TENT4A: variants seen among roughly 807,000 people sequenced by gnomAD.
TENT4A encodes DNA polymerase kappa.
A neutral mutation model predicts 72.8 loss-of-function variants in TENT4A; 7 were observed. The observed-to-expected ratio is 0.10, with a 90% CI of 0.05 to 0.18. The LOEUF (loss-of-function observed/expected upper bound fraction) is 0.18. Ranked by LOEUF, TENT4A falls within the 10% of genes least tolerant of loss-of-function variation. The pLI, the probability that TENT4A is intolerant of heterozygous loss-of-function variation, is 1.00. For missense variants in TENT4A, 831 were observed against 1,017.7 expected (o/e 0.82, Z 2.50); for synonymous variants, 456 against 434.3 (o/e 1.05, Z -0.62).
At chr5:6,731,144 G>T (rs371440268) in intron 1 of TENT4A, among the ~76,000 whole-genome samples, 1 of 152,064 alleles carries the variant, frequency 6.6e-6, no homozygotes, top group Non-Finnish European at 1.5e-5. Context: ...GTTTTTTTGG[G>T]CAAAAATGCA....
At chr5:6,725,610 GGTT>G (rs1288888949) in intron 1 of TENT4A, among the ~76,000 whole-genome samples, 1 of 152,202 alleles carries the variant, frequency 6.6e-6, no homozygotes, top group Non-Finnish European at 1.5e-5. Context: ...CAAAGCTAGA[GGTT>G]GTTTCTAAGA....
At chr5:6,715,817 G>C (rs1320052164) in intron 1 of TENT4A, among the ~76,000 whole-genome samples, 1 of 152,220 alleles carries the variant, frequency 6.6e-6, no homozygotes, top group Non-Finnish European at 1.5e-5. Context: ...CCTGGCTTGG[G>C]CTACAAGCGA....
At chr5:6,731,286 T>C (rs1372338335) in intron 1 of TENT4A, among the ~76,000 whole-genome samples, 1 of 152,228 alleles carries the variant, frequency 6.6e-6, no homozygotes, top group Non-Finnish European at 1.5e-5. Context: ...TCCAGTATTT[T>C]CTGTCGCATT....
Position 6,743,826 on chromosome 5 carries a change from A to G in TENT4A, c.1231A>G (p.Ile411Val). The change falls in exon 6 of 13, where the codon ATT becomes GTT. Residue 411 changes from isoleucine to valine, a missense_variant. This residue lies in a region of TENT4A where 197 missense variants were observed against 399.6 expected (regional missense o/e 0.49). Transcript: ENST00000230859. Reference protein sequence around the residue: ...ISSYSLILMAISFLQLHPRID... With the variant: ...ISSYSLILMAVSFLQLHPRID... ...CTCATACAGCCTAATTTTAATGGCCATTAGCTTTCTACAGGTATGTATGCT... is the reference window on the plus strand; with the variant it reads ...CTCATACAGCCTAATTTTAATGGCCGTTAGCTTTCTACAGGTATGTATGCT... The G allele has an allele frequency of 6.2e-7, 1 of 1,614,020 alleles. No homozygotes were observed. The highest frequency in any genetic ancestry group is 8.5e-7 in the Non-Finnish European group (1 of 1,179,956).
intron 4 of TENT4A, among the ~76,000 whole-genome samples, chr5:6,741,151 C>T (rs565469291): frequency 1.6e-4 from 25 of 152,260 alleles, no homozygotes; most frequent in Middle Eastern, 3.4e-3. Flanking sequence ...CCAGTGACCT[C>T]GTTACTGTCG....
At chr5:6,753,908 AT>A (rs1742550672) in intron 12 of TENT4A, among the ~76,000 whole-genome samples, 1 of 152,160 alleles carries the variant, frequency 6.6e-6, no homozygotes, top group African/African-American at 2.4e-5. Flanking sequence ...TCTTCTTTGC[AT>A]TTTGGCTTTG....
chr5:6,727,633 T>C (rs1193512701), intron 1 of TENT4A, among the ~76,000 whole-genome samples: 2 of 152,312 alleles, frequency 1.3e-5, no homozygotes, highest in East Asian at 3.9e-4. Context: ...CTCGTTACCT[T>C]TCCCATCTCA....
intron 1 of TENT4A, among the ~76,000 whole-genome samples, chr5:6,723,977 C>T (rs186114047): frequency 6.6e-6 from 1 of 152,350 alleles, no homozygotes; most frequent in Non-Finnish European, 1.5e-5. Flanking sequence ...GCTGTTTCAT[C>T]TGACGGCAGT....
At chr5:6,743,144 C>G (rs1349150689) in intron 5 of TENT4A, among the ~76,000 whole-genome samples, 1 of 152,178 alleles carries the variant, frequency 6.6e-6, no homozygotes, top group Non-Finnish European at 1.5e-5. Flanking sequence ...GAGGCTGTTG[C>G]AATCCTTAGC....
At chr5:6,729,260 A>G (rs1741087953) in intron 1 of TENT4A, among the ~76,000 whole-genome samples, 1 of 152,208 alleles carries the variant, frequency 6.6e-6, no homozygotes, top group Non-Finnish European at 1.5e-5. Context: ...CTACAAAATG[A>G]AAATAGTAAT....
chr5:6,737,386 G>T, intron 1 of TENT4A, 124 bp from the exon 2 acceptor site: 1 of 827,650 alleles, frequency 1.2e-6, no homozygotes, highest in Non-Finnish European at 1.9e-6. Flanking sequence ...TACTTTCAGA[G>T]GAGAAATGAA....
intron 1 of TENT4A, among the ~76,000 whole-genome samples, chr5:6,718,335 C>T (rs1740484891): frequency 6.6e-6 from 1 of 152,326 alleles, no homozygotes; most frequent in Non-Finnish European, 1.5e-5. Flanking sequence ...TCCCTCTAGC[C>T]TGACCTCACT....
Position 6,746,150 on chromosome 5 carries a change from G to A in TENT4A, c.1246-64G>A, listed in dbSNP as rs938944788. 24 of 1,611,348 alleles carry A rather than the reference G, an allele frequency of 1.5e-5. No homozygotes were observed. The African/African-American group carries it at 1.7e-4, about 12-fold the overall frequency. ...AGGCTGCTGGACAGCAGACTTCGTC[G>A]CGTGCTATTTTCTTTAGAACATGCC... On this transcript the variant is annotated intron_variant, in intron 6 of 12. Transcript: ENST00000230859.
In TENT4A at chr5:6,721,178, G is replaced by A. The variant is rs191958320; in HGVS notation, c.716+6479G>A. Among the ~76,000 whole-genome samples the A allele has an allele frequency of 6.0e-3, 919 of 152,246 alleles. 6 individuals are homozygous for A. Among genetic ancestry groups the A allele is most frequent in the Non-Finnish European group, 8.7e-3 (594 of 68,014 alleles). ...CATTCTTAGTGCCAAGCACACGGTAGCCACTAAGTAAGTATCTCCCAAGAA... is the reference window on the plus strand; with the variant it reads ...CATTCTTAGTGCCAAGCACACGGTAACCACTAAGTAAGTATCTCCCAAGAA... On this transcript the variant is annotated intron_variant, in intron 1 of 12. Transcript: ENST00000230859.
chr5:6,739,384 G>A (rs1203242476), intron 3 of TENT4A, among the ~76,000 whole-genome samples: 1 of 152,226 alleles, frequency 6.6e-6, no homozygotes, highest in African/African-American at 2.4e-5. Flanking sequence ...GAGTGATCCA[G>A]CGTAGGCAGT....
intron 6 of TENT4A, among the ~76,000 whole-genome samples, chr5:6,744,879 A>T (rs530234567): frequency 8.5e-5 from 13 of 152,284 alleles, no homozygotes; most frequent in African/African-American, 2.6e-4. Context: ...ATGGCCTTGT[A>T]GTAACAACAG....
rs117255937 is a variant in TENT4A, at chr5:6,755,868, G to A, written c.*923G>A. ...AAGTATAACTTTCTAAGGAGAGAAG[G>A]GTTGTCACATTATAAAATCTTTAGG... On this transcript the variant is annotated 3_prime_UTR_variant, in exon 13 of 13. Transcript: ENST00000230859. 3 of 152,382 alleles carry A rather than the reference G, an allele frequency of 2.0e-5. No homozygotes were observed. In the East Asian group the frequency reaches 5.8e-4, roughly 29 times the overall value. 9.4% of individuals were successfully genotyped at this position (152,382 alleles called of 1,614,324 possible). A position where few individuals can be genotyped will look rare whatever the true frequency, so the allele number is the denominator to read the frequency against.
Position 6,714,472 on chromosome 5 carries a change from C to A in TENT4A, c.489C>A (p.Ala163=). ...GCGCGCCCAGCGCCCCTGGCACAGC[C>A]AACGGGCACCCCGGGCCGCGCGGCC... is the stretch of plus-strand genomic sequence containing the variant. The part of the protein sequence containing the change: ...ADGAPSAPGT[A]NGHPGPRGPA... Residue 163 remains alanine (A), a synonymous_variant, in exon 1 of 13, where the codon GCC becomes GCA. Transcript: ENST00000230859. 8.5e-7 allele frequency: 1 copy of A among 1,182,254 alleles called. No individual in the cohort carries two copies. Among genetic ancestry groups the A allele is most frequent in the South Asian group, 4.2e-5 (1 of 23,936 alleles). The allele number at this position is 1,182,254 out of a possible 1,614,324, so 73.2% of individuals were successfully genotyped here. A position where few individuals can be genotyped will look rare whatever the true frequency, so the allele number is the denominator to read the frequency against.
chr5:6,752,790 C>T, intron 11 of TENT4A, 83 bp from the exon 12 acceptor site: 1 of 1,259,020 alleles, frequency 7.9e-7, no homozygotes. Context: ...ATCAGCTGCC[C>T]TTTGGTGGTG....
Sources: gnomAD v4.1 joint callset for allele counts (sites outside exome capture counted in the v4.1 genomes callset) on GRCh38, gnomAD v4.1.1 for gene constraint, gnomAD v4.1.1 regional missense constraint, MANE v1.5 for transcripts, NCBI Gene and HGNC (gene_info 2026-07-23, HGNC 2026-07-21) for gene names.